The following DPP10 variants were observed in gnomAD, a reference collection of about 807,000 sequenced individuals.
The protein encoded by DPP10 is inactive dipeptidyl peptidase 10.
A neutral mutation model predicts 120.9 loss-of-function variants in DPP10; 33 were observed. That is an observed-to-expected ratio of 0.27 (90% CI 0.21 to 0.37). The LOEUF (loss-of-function observed/expected upper bound fraction) is 0.37, where lower values mean the gene tolerates loss of function less well. Among genes scored for constraint, DPP10 ranks in the 10% least tolerant of loss-of-function variants. The pLI, the probability that DPP10 is intolerant of heterozygous loss-of-function variation, is 1.00. For synonymous variants in DPP10, 337 were observed against 326.1 expected (o/e 1.03, Z -0.36); for missense variants, 816 against 942.8 (o/e 0.87, Z 1.76).
intron 1 of DPP10, chr2:114,463,361 C>G (rs1344311883): frequency 2.6e-5 from 4 of 152,090 alleles, no homozygotes; most frequent in Admixed American, 1.3e-4. Context: ...GGATCTAACT[C>G]TTATTGGTTC....
intron 1 of DPP10, among the ~76,000 whole-genome samples, chr2:115,205,738 G>T (rs1449491171): frequency 6.6e-6 from 1 of 152,164 alleles, no homozygotes; most frequent in East Asian, 1.9e-4. Context: ...TAACGTGGAT[G>T]CAGTTGGAGG....
At chr2:115,376,396 C>G (rs2065795454) in intron 3 of DPP10, among the ~76,000 whole-genome samples, 1 of 151,906 alleles carries the variant, frequency 6.6e-6, no homozygotes, top group African/African-American at 2.4e-5. Context: ...ATTAAAAAGA[C>G]TGGGTTTAGA....
rs2066613110 is a variant in DPP10 at position 115,383,679 on chromosome 2, T to TCA, written c.271+39767_271+39768insCA. ...CACACCATGGTCAATTCATATTCAT[T>TCA]TAAATATATTTAATAATTTGATTTA... On this transcript the variant is annotated intron_variant, in intron 3 of 25. Transcript: ENST00000410059. Among the ~76,000 whole-genome samples the TCA allele has an allele frequency of 2.0e-5, 3 of 152,282 alleles. No homozygotes were observed. The East Asian group carries it at 5.8e-4, about 29-fold the overall frequency.
At chr2:115,112,239 C>T (rs184631451) in intron 1 of DPP10, among the ~76,000 whole-genome samples, 28 of 151,834 alleles carry the variant, frequency 1.8e-4, no homozygotes, top group Non-Finnish European at 3.7e-4. Flanking sequence ...TTATTCTTCC[C>T]TTTGTCTTTT....
At chr2:115,804,570 C>T in intron 19 of DPP10, among the ~76,000 whole-genome samples, 1 of 152,056 alleles carries the variant, frequency 6.6e-6, no homozygotes. Context: ...TTTTATCTAC[C>T]TTTGTTCCTT....
intron 1 of DPP10, among the ~76,000 whole-genome samples, chr2:115,163,911 T>G (rs1349267559): frequency 6.6e-6 from 1 of 152,156 alleles, no homozygotes; most frequent in East Asian, 1.9e-4. Flanking sequence ...ACACAACAAA[T>G]CCCCTTGTCA....
chr2:114,825,852 TA>T (rs1686486094), intron 1 of DPP10, among the ~76,000 whole-genome samples: 1 of 152,148 alleles, frequency 6.6e-6, no homozygotes, highest in Non-Finnish European at 1.5e-5. Flanking sequence ...GTAAAAACTG[TA>T]AGGTTGTGAT....
chr2:114,960,527 C>T (rs1448447544), intron 1 of DPP10, among the ~76,000 whole-genome samples: 7 of 151,908 alleles, frequency 4.6e-5, no homozygotes, highest in Admixed American at 2.0e-4. Flanking sequence ...TTTTATCATG[C>T]GTTCATTTCC....
At chr2:115,560,475 G>C (rs866687653) in intron 5 of DPP10, among the ~76,000 whole-genome samples, 67 of 116,342 alleles carry the variant, frequency 5.8e-4, no homozygotes, top group Middle Eastern at 0.011. Context: ...AGGGCAAGGA[G>C]GAGACGGGGG....
chr2:115,193,562 T>C (rs527654433), intron 1 of DPP10, among the ~76,000 whole-genome samples: 2 of 152,192 alleles, frequency 1.3e-5, no homozygotes, highest in South Asian at 2.1e-4. Context: ...CGTGGGTGAT[T>C]AATTCCTTGT....
At chr2:115,706,783 C>T (rs972642849) in intron 7 of DPP10, among the ~76,000 whole-genome samples, 5 of 151,876 alleles carry the variant, frequency 3.3e-5, no homozygotes, top group Non-Finnish European at 5.9e-5. Context: ...GTTAAAAGAT[C>T]CCAATTAGGC....
At chr2:114,452,862 G>T (rs762124570) in intron 1 of DPP10, among the ~76,000 whole-genome samples, 1 of 152,028 alleles carries the variant, frequency 6.6e-6, no homozygotes. Flanking sequence ...GTGATTACAT[G>T]GTTTCTTCAG....
At chr2:115,525,459 A>G (rs1176384243) in intron 4 of DPP10, among the ~76,000 whole-genome samples, 1 of 152,074 alleles carries the variant, frequency 6.6e-6, no homozygotes, top group Admixed American at 6.6e-5. Context: ...TAATGTTAGT[A>G]TCTTTTTAAA....
intron 3 of DPP10, among the ~76,000 whole-genome samples, chr2:115,406,683 T>C (rs1276164950): frequency 6.6e-6 from 1 of 151,996 alleles, no homozygotes; most frequent in Non-Finnish European, 1.5e-5. Flanking sequence ...CTAAGGTATA[T>C]TACTAGTTAT....
rs143682057 is a variant in DPP10 at position 115,205,344 on chromosome 2, A to G, written c.61-103895A>G. 3.1e-3 allele frequency among the ~76,000 whole-genome samples: 476 copies of G among 152,288 alleles called. 3 individuals are homozygous for G. The highest frequency in any genetic ancestry group is 6.8e-3 in the Middle Eastern group (2 of 294). ...GTTATCTCAGGATCATTTATTGAGA[A>G]GGGAATTTTTTCTTTATTACTTATT... On this transcript the variant is annotated intron_variant, in intron 1 of 25. Transcript: ENST00000410059.
intron 3 of DPP10, among the ~76,000 whole-genome samples, chr2:115,493,376 T>G (rs1440632145): frequency 6.6e-6 from 1 of 152,080 alleles, no homozygotes; most frequent in Non-Finnish European, 1.5e-5. Context: ...GTACTGAGTT[T>G]TATATGTCTA....
chr2:115,710,088 C>T (rs960123514), intron 7 of DPP10, among the ~76,000 whole-genome samples: 1 of 152,026 alleles, frequency 6.6e-6, no homozygotes, highest in Admixed American at 6.6e-5. Flanking sequence ...ACAGACTTCT[C>T]ATTAAGAACC....
intron 1 of DPP10, among the ~76,000 whole-genome samples, chr2:114,597,574 A>G (rs1692018920): frequency 6.6e-6 from 1 of 152,118 alleles, no homozygotes; most frequent in South Asian, 2.1e-4. Context: ...AATGGTAAAG[A>G]TCTTCCATCT....
chr2:114,772,411 G>A (rs552220556), intron 1 of DPP10, among the ~76,000 whole-genome samples: 188 of 152,014 alleles, frequency 1.2e-3, no homozygotes, highest in Middle Eastern at 6.8e-3. Context: ...CCACCCACTC[G>A]GCCTACCAAA....
Sources: gnomAD v4.1 joint callset for allele counts (sites outside exome capture counted in the v4.1 genomes callset) on GRCh38, gnomAD v4.1.1 for gene constraint, MANE v1.5 for transcripts, NCBI Gene and HGNC (gene_info 2026-07-23, HGNC 2026-07-21) for gene names.